Variants in UNC5C observed in about 807,000 individuals in gnomAD.
UNC5C encodes unc-5 netrin receptor C.
A neutral mutation model predicts 99.8 loss-of-function variants in UNC5C; 47 were observed. That is an observed-to-expected ratio of 0.47 (90% CI 0.37 to 0.60). The LOEUF (loss-of-function observed/expected upper bound fraction) is 0.60, where lower values mean the gene tolerates loss of function less well. Among genes scored for constraint, UNC5C ranks in the 20% least tolerant of loss-of-function variants. UNC5C has a pLI of 0.00. For synonymous variants in UNC5C, 487 were observed against 452.2 expected, an observed-to-expected ratio of 1.08 and a Z score of -0.98; for missense variants, 1,062 against 1,165.9, an observed-to-expected ratio of 0.91 and a Z score of 1.30.
chr4:95,415,571 T>C (rs1427581324), intron 1 of UNC5C, among the ~76,000 whole-genome samples: 32 of 152,160 alleles, frequency 2.1e-4, no homozygotes, highest in Admixed American at 2.1e-3. Context: ...TTTTCTTGTC[T>C]CTGGTCACTA....
rs1430117496 is a variant in UNC5C, at chr4:95,482,732, C to T, written c.124+66002G>A. Among the ~76,000 whole-genome samples the T allele has an allele frequency of 1.8e-3, 217 of 122,040 alleles. 1 individual carries two copies. The highest frequency in any genetic ancestry group is 6.9e-3 in the African/African-American group (208 of 29,996). The allele number at this position is 122,040 out of a possible 152,430, so 80.1% of individuals were successfully genotyped here. Reference sequence around the variant, plus strand: ...TAGGGACATGGATGAAATTGGAAATCATCATTCTCAGTAAACTATCGCAAG... The same window carrying T: ...TAGGGACATGGATGAAATTGGAAATTATCATTCTCAGTAAACTATCGCAAG... On this transcript the variant is annotated intron_variant, in intron 1 of 15. Coordinates refer to ENST00000453304, the MANE Select transcript of UNC5C (RefSeq NM_003728.4).
At chr4:95,424,518 C>CTT (rs536039867) in intron 1 of UNC5C, among the ~76,000 whole-genome samples, 1,017 of 67,934 alleles carry the variant, frequency 0.015, 80 homozygotes, top group Middle Eastern at 0.039. Context: ...TTTTTCTTTT[C>CTT]TTTTTTTTTT....
At chr4:95,528,164 G>A (rs1343167256) in intron 1 of UNC5C, among the ~76,000 whole-genome samples, 2 of 152,048 alleles carry the variant, frequency 1.3e-5, no homozygotes, top group African/African-American at 4.8e-5. Context: ...AAGCTGTTAG[G>A]CAAAACATTC....
chr4:95,528,337 C>T lies in UNC5C; in HGVS notation c.124+20397G>A, dbSNP rs116246284. Among the ~76,000 whole-genome samples, 581 of 152,218 alleles carry T rather than the reference C, an allele frequency of 3.8e-3. 2 individuals are homozygous for T. Among genetic ancestry groups the T allele is most frequent in the African/African-American group, 0.012 (492 of 41,542 alleles). On this transcript the variant is annotated intron_variant, in intron 1 of 15. Coordinates refer to ENST00000453304, the MANE Select transcript of UNC5C (RefSeq NM_003728.4). ...GCTTGTGCTTAACTCTATCAATTTTCGCACCCATGGAGATTCATGCACTGG... is the reference window on the plus strand; with the variant it reads ...GCTTGTGCTTAACTCTATCAATTTTTGCACCCATGGAGATTCATGCACTGG...
chr4:95,315,539 A>G (rs975432398), intron 2 of UNC5C, among the ~76,000 whole-genome samples: 1 of 152,220 alleles, frequency 6.6e-6, no homozygotes, highest in Non-Finnish European at 1.5e-5. Flanking sequence ...ATGTCTATTC[A>G]TATCTCCAGG....
At position 95,411,435 on chromosome 4, in the gene UNC5C, C is replaced by T. The variant is rs191371195; in HGVS notation, c.125-75804G>A. 6.0e-4 allele frequency among the ~76,000 whole-genome samples: 91 copies of T among 152,216 alleles called. 1 individual carries two copies. In the Middle Eastern group the frequency reaches 0.017, roughly 28 times the overall value. On this transcript the variant is annotated intron_variant, in intron 1 of 15. Coordinates refer to ENST00000453304, the MANE Select transcript of UNC5C (RefSeq NM_003728.4). ...ACCTTGCAATTTACTTTATCCATTC[C>T]CTTGAGCTTTCTGGCACATTATGTT...
chr4:95,490,120 C>T (rs547514232), intron 1 of UNC5C, among the ~76,000 whole-genome samples: 19 of 151,502 alleles, frequency 1.3e-4, no homozygotes, highest in South Asian at 8.3e-4. Flanking sequence ...GAGAAAGAGA[C>T]GGACAGATCT....
At chr4:95,501,462 GTTA>G (rs1158425596) in intron 1 of UNC5C, among the ~76,000 whole-genome samples, 1 of 151,978 alleles carries the variant, frequency 6.6e-6, no homozygotes, top group Non-Finnish European at 1.5e-5. Context: ...CATATTTTTT[GTTA>G]CTAATTAGCT....
intron 2 of UNC5C, among the ~76,000 whole-genome samples, chr4:95,331,255 T>C (rs1743099568): frequency 6.6e-6 from 1 of 152,114 alleles, no homozygotes; most frequent in Non-Finnish European, 1.5e-5. Context: ...ATCTTTGCTA[T>C]TGTGAATAGA....
At chr4:95,175,123 G>A (rs1736281975) in intron 14 of UNC5C, among the ~76,000 whole-genome samples, 1 of 151,288 alleles carries the variant, frequency 6.6e-6, no homozygotes, top group South Asian at 2.1e-4. Context: ...CTTTTATTTT[G>A]AGCCTATGTG....
intron 1 of UNC5C, among the ~76,000 whole-genome samples, chr4:95,397,521 A>G (rs2149447213): frequency 6.6e-6 from 1 of 152,348 alleles, no homozygotes; most frequent in East Asian, 1.9e-4. Context: ...TTTCCCATTA[A>G]ATATTACACT....
chr4:95,541,426 G>T (rs975533261), intron 1 of UNC5C, among the ~76,000 whole-genome samples: 3 of 151,950 alleles, frequency 2.0e-5, no homozygotes, highest in African/African-American at 7.3e-5. Context: ...ATCCATTGGG[G>T]GTCTTGGAAA....
Position 95,202,841 on chromosome 4 carries a change from T to C in UNC5C, c.2026A>G (p.Lys676Glu). ...AGCTTGAGGCGCTTCGCAGCCGCTTTGGTGGTGGAATGTCCTACCAGGGCG... is the reference window on the plus strand; with the variant it reads ...AGCTTGAGGCGCTTCGCAGCCGCTTCGGTGGTGGAATGTCCTACCAGGGCG... ...TYALVGHSTTKAAAKRLKLAI... is the reference protein window; with the variant it reads ...TYALVGHSTTEAAAKRLKLAI... Residue 676 changes from lysine (K) to glutamate (E), a missense_variant, in exon 12 of 16, where the codon AAA becomes GAA. Coordinates refer to ENST00000453304, the MANE Select transcript of UNC5C (RefSeq NM_003728.4). The C allele has an allele frequency of 6.2e-7, 1 of 1,614,132 alleles. No homozygotes were observed. The highest frequency in any genetic ancestry group is 8.5e-7 in the Non-Finnish European group (1 of 1,179,932).
intron 1 of UNC5C, among the ~76,000 whole-genome samples, chr4:95,338,501 G>T (rs1743432566): frequency 1.3e-5 from 2 of 151,992 alleles, no homozygotes; most frequent in South Asian, 4.1e-4. Context: ...TGAATATTTA[G>T]CTCCTCTGTG....
chr4:95,193,004 T>C (rs1201089978), intron 12 of UNC5C, among the ~76,000 whole-genome samples: 2 of 152,240 alleles, frequency 1.3e-5, no homozygotes, highest in Non-Finnish European at 2.9e-5. Context: ...AAAGAAATGA[T>C]TAAAGTTAAG....
intron 1 of UNC5C, among the ~76,000 whole-genome samples, chr4:95,508,240 G>A (rs1356630451): frequency 1.3e-5 from 2 of 152,038 alleles, no homozygotes; most frequent in South Asian, 2.1e-4. Flanking sequence ...CCCTGGGAAA[G>A]TTAATTGACA....
chr4:95,182,594 C>T (rs17415748), intron 14 of UNC5C, among the ~76,000 whole-genome samples: 11,764 of 152,104 alleles, frequency 0.077, 605 homozygotes, highest in Non-Finnish European at 0.11. Context: ...GTGCACGCTC[C>T]TTAAATTAAA....
intron 1 of UNC5C, among the ~76,000 whole-genome samples, chr4:95,533,275 T>C (rs1722699125): frequency 6.6e-6 from 1 of 151,928 alleles, no homozygotes; most frequent in African/African-American, 2.4e-5. Context: ...GGCGGGCGTC[T>C]GTAATGCCAG....
At chr4:95,410,575 T>C (rs1418691406) in intron 1 of UNC5C, among the ~76,000 whole-genome samples, 1 of 152,206 alleles carries the variant, frequency 6.6e-6, no homozygotes, top group Non-Finnish European at 1.5e-5. Context: ...AGGCAAAAGA[T>C]GCTGCTACCG....
Sources: gnomAD v4.1 joint callset for allele counts (sites outside exome capture counted in the v4.1 genomes callset) on GRCh38, gnomAD v4.1.1 for gene constraint, MANE v1.5 for transcripts, NCBI Gene and HGNC (gene_info 2026-07-23, HGNC 2026-07-21) for gene names.